The following PYDC5 variants were observed in gnomAD, a reference collection of about 807,000 sequenced individuals.
The protein encoded by PYDC5 is pyrin domain-containing protein 5.
chr1:159,001,613 G>C, the PYDC5 span, among the ~76,000 whole-genome samples: 8 of 152,042 alleles, frequency 5.3e-5, no homozygotes, highest in African/African-American at 1.7e-4. Context: ...AGAAAAGAAG[G>C]AAATTTGCAT....
the PYDC5 span, among the ~76,000 whole-genome samples, chr1:159,002,368 C>A: frequency 6.6e-6 from 1 of 151,276 alleles, no homozygotes; most frequent in Admixed American, 6.6e-5. Context: ...AAACACCAAC[C>A]CTCAGATATA....
the PYDC5 span, among the ~76,000 whole-genome samples, chr1:159,001,841 T>TAAA: frequency 6.6e-6 from 1 of 152,216 alleles, no homozygotes; most frequent in African/African-American, 2.4e-5. Context: ...TTAAAGTATT[T>TAAA]GCTATAGGGT....
chr1:159,001,410 CT>C, the PYDC5 span, among the ~76,000 whole-genome samples: 5 of 152,156 alleles, frequency 3.3e-5, no homozygotes, highest in Non-Finnish European at 5.9e-5. Flanking sequence ...TGAGTTATTA[CT>C]TTTAATATGA....
At chr1:159,000,316 A>C in the PYDC5 span, 1 of 240,000 alleles carries the variant, frequency 4.2e-6, no homozygotes, top group South Asian at 8.1e-5. Context: ...TCTCCATCTC[A>C]CGACTTTTCA....
At chr1:159,001,013 G>C in the PYDC5 span, among the ~76,000 whole-genome samples, 1 of 152,126 alleles carries the variant, frequency 6.6e-6, no homozygotes. Flanking sequence ...GTGCAAGTCA[G>C]GAAGGGAAAG....
At chr1:159,001,661 C>T in the PYDC5 span, among the ~76,000 whole-genome samples, 1 of 152,144 alleles carries the variant, frequency 6.6e-6, no homozygotes, top group African/African-American at 2.4e-5. Flanking sequence ...ACAGTCAACT[C>T]AGCATGTTTC....
the PYDC5 span, among the ~76,000 whole-genome samples, chr1:159,002,127 C>T: frequency 2.0e-5 from 3 of 152,246 alleles, no homozygotes; most frequent in African/African-American, 7.2e-5. Flanking sequence ...AAACAGCTGG[C>T]ATTTATTATA....
chr1:159,000,781 A>T, the PYDC5 span, among the ~76,000 whole-genome samples: 1 of 152,084 alleles, frequency 6.6e-6, no homozygotes, highest in Non-Finnish European at 1.5e-5. Flanking sequence ...CCAGTGTTGG[A>T]GGTGGGGCTT....
the PYDC5 span, among the ~76,000 whole-genome samples, chr1:159,001,345 C>G: frequency 5.9e-5 from 9 of 152,126 alleles, no homozygotes; most frequent in Non-Finnish European, 8.8e-5. Flanking sequence ...CTGAAGATAA[C>G]CAACTGTGAC....
At chr1:159,000,295 C>A in the PYDC5 span, 1 of 249,332 alleles carries the variant, frequency 4.0e-6, no homozygotes, top group Non-Finnish European at 8.5e-6. Context: ...AGAGTATCTC[C>A]TTATATTTAC....
At chr1:159,001,882 T>C in the PYDC5 span, among the ~76,000 whole-genome samples, 1 of 152,156 alleles carries the variant, frequency 6.6e-6, no homozygotes, top group Non-Finnish European at 1.5e-5. Flanking sequence ...ATGCAGACAA[T>C]TGATTTGGTG....
the PYDC5 span, among the ~76,000 whole-genome samples, chr1:159,000,725 G>A: frequency 6.6e-6 from 1 of 152,088 alleles, no homozygotes; most frequent in South Asian, 2.1e-4. Context: ...GGAATCATAT[G>A]GTTTGGATAT....
At chr1:159,000,434 TTACAG>T in the PYDC5 span, 1 of 157,380 alleles carries the variant, frequency 6.4e-6, no homozygotes, top group Non-Finnish European at 1.4e-5. Flanking sequence ...AATAAAATGT[TTACAG>T]TACAGTAAAA....
the PYDC5 span, among the ~76,000 whole-genome samples, chr1:159,002,404 G>A: frequency 6.6e-6 from 1 of 152,132 alleles, no homozygotes; most frequent in Non-Finnish European, 1.5e-5. Context: ...TGAAGCATTA[G>A]CAATTATTTT....
the PYDC5 span, among the ~76,000 whole-genome samples, chr1:159,001,503 GTATT>G: frequency 6.6e-6 from 1 of 152,124 alleles, no homozygotes; most frequent in African/African-American, 2.4e-5. Context: ...AAAATTGAAA[GTATT>G]TATAAAGTAT....
chr1:159,002,338 A>G, the PYDC5 span, among the ~76,000 whole-genome samples: 2 of 152,174 alleles, frequency 1.3e-5, no homozygotes, highest in African/African-American at 4.8e-5. Flanking sequence ...GAAAAAAAAA[A>G]CTAGTGTTAT....
chr1:159,000,077 C>G, the PYDC5 span: 1 of 161,676 alleles, frequency 6.2e-6, no homozygotes, highest in Non-Finnish European at 1.4e-5. Context: ...CTGCTCTTCC[C>G]GAAGACATTT....
chr1:159,000,082 A>AG, the PYDC5 span: 2 of 162,806 alleles, frequency 1.2e-5, no homozygotes, highest in African/African-American at 4.8e-5. Context: ...CTTCCCGAAG[A>AG]CATTTTGCCA....
chr1:159,001,512 A>C, the PYDC5 span, among the ~76,000 whole-genome samples: 1 of 152,330 alleles, frequency 6.6e-6, no homozygotes, highest in Admixed American at 6.5e-5. Context: ...AGTATTTATA[A>C]AGTATTTTAA....
Sources: allele counts gnomAD v4.1 joint callset (sites outside exome capture counted in the v4.1 genomes callset), GRCh38; gene constraint gnomAD v4.1.1; transcripts MANE v1.5; gene names NCBI Gene and HGNC (gene_info 2026-07-23, HGNC 2026-07-21).